Variants in SLC38A3 observed in about 807,000 individuals in gnomAD.
The protein encoded by SLC38A3 is solute carrier family 38 member 3, also known as sodium-coupled neutral amino acid transporter 3.
A neutral mutation model predicts 59.5 loss-of-function variants in SLC38A3; 17 were observed. That is an observed-to-expected ratio of 0.29 (90% CI 0.20 to 0.43). SLC38A3 has a LOEUF of 0.43. Ranked by LOEUF, SLC38A3 falls within the 20% of genes least tolerant of loss-of-function variation. The probability of loss-of-function intolerance (pLI) is 1.00; values close to 1 mark genes in which losing one functional copy is unlikely to be tolerated. For synonymous variants in SLC38A3, 238 were observed against 260.3 expected (o/e 0.91, Z 0.82); for missense variants, 454 against 653.9 (o/e 0.69, Z 3.33).
Position 50,218,705 on chromosome 3 carries a change from C to A in SLC38A3, c.1149C>A (p.Ile383=). Residue 383 remains isoleucine (I), a synonymous_variant, in exon 13 of 16, where the codon ATC becomes ATA. Coordinates refer to ENST00000614032, the MANE Select transcript of SLC38A3 (RefSeq NM_006841.6). This position sits in a 1 kb window ranked among gnomAD's most constrained non-coding sequence, Gnocchi z 5.8. ...VLTAVTLTVP[I]VLFPVRRAIQ... ...CAGCAGTCACGCTCACAGTGCCCATCGTTCTGTTCCCGGTGAGCTGGTGGG... is the reference window on the plus strand; with the variant it reads ...CAGCAGTCACGCTCACAGTGCCCATAGTTCTGTTCCCGGTGAGCTGGTGGG... 6.2e-7 allele frequency: 1 copy of A among 1,609,406 alleles called. No individual in the cohort carries two copies. Among genetic ancestry groups the A allele is most frequent in the Non-Finnish European group, 8.5e-7 (1 of 1,176,040 alleles).
At chr3:50,212,452 A>G (rs1052034517) in intron 1 of SLC38A3, among the ~76,000 whole-genome samples, 3 of 152,202 alleles carry the variant, frequency 2.0e-5, no homozygotes, top group Non-Finnish European at 4.4e-5. Flanking sequence ...GGACATGTGG[A>G]CCTAGGCAAC....
Position 50,214,636 on chromosome 3 carries a change from C to T in SLC38A3, c.184-17C>T, listed in dbSNP as rs1161735247. ...CTGACTCCTCCCACCCTCCCCGTCC[C>T]ATTCTGGTGCCTGCAGTTCGAGGGG... On this transcript the variant is annotated splice_polypyrimidine_tract_variant and intron_variant, in intron 3 of 15. Transcript: ENST00000614032. The surrounding 1 kb of genome is among the most constrained non-coding windows in gnomAD (Gnocchi z 6.0). The T allele has an allele frequency of 6.3e-7, 1 of 1,578,078 alleles. No individual in the cohort carries two copies. Among genetic ancestry groups the T allele is most frequent in the Non-Finnish European group, 8.7e-7 (1 of 1,151,318 alleles).
At chr3:50,209,371 G>C (rs540402830) in intron 1 of SLC38A3, among the ~76,000 whole-genome samples, 1 of 152,200 alleles carries the variant, frequency 6.6e-6, no homozygotes, top group Non-Finnish European at 1.5e-5. Flanking sequence ...GGCCATGGCC[G>C]GGCGCAGTGG....
At chr3:50,219,728 A>G (rs1215413602) in intron 14 of SLC38A3, among the ~76,000 whole-genome samples, 153 bp from the exon 15 acceptor site, 1 of 152,136 alleles carries the variant, frequency 6.6e-6, no homozygotes, top group Non-Finnish European at 1.5e-5. Context: ...CAAGGGGGAG[A>G]GGCTGGTGGG....
In SLC38A3 at chr3:50,218,290, A is replaced by T; in HGVS notation, c.956A>T (p.Gln319Leu). ...ELKDPSKKKMQHISNLSIAVM... is the reference protein window; with the variant it reads ...ELKDPSKKKMLHISNLSIAVM... Reference sequence around the variant, plus strand: ...CACAGCCCCTCCAAGAAGAAGATGCAGCACATCTCCAACCTGTCCATCGCT... The same window carrying T: ...CACAGCCCCTCCAAGAAGAAGATGCTGCACATCTCCAACCTGTCCATCGCT... The change falls in exon 12 of 16, where the codon CAG (glutamine) becomes CTG (leucine). Residue 319 changes from glutamine (Q) to leucine (L), a missense_variant. Physicochemically the swap from Gln to Leu is moderately radical, Grantham distance 113 (BLOSUM62 -2). Coordinates refer to ENST00000614032, the MANE Select transcript of SLC38A3 (RefSeq NM_006841.6). This position sits in a 1 kb window ranked among gnomAD's most constrained non-coding sequence, Gnocchi z 5.8. 6.2e-7 allele frequency: 1 copy of T among 1,607,354 alleles called. No homozygotes were observed. Among genetic ancestry groups the T allele is most frequent in the African/African-American group, 1.3e-5 (1 of 74,888 alleles).
chr3:50,215,673 G>A lies in SLC38A3; in HGVS notation c.466+37G>A, dbSNP rs778484043. ...GGGCAGGGGCAGGCAGTAGGGAGGT[G>A]GACAGCCCTGAAAGCTGGCTGGTTG... On this transcript the variant is annotated intron_variant, in intron 6 of 15. Coordinates refer to ENST00000614032, the MANE Select transcript of SLC38A3 (RefSeq NM_006841.6). This position sits in a 1 kb window ranked among gnomAD's most constrained non-coding sequence, Gnocchi z 7.1. 2 of 1,610,560 alleles carry A rather than the reference G, an allele frequency of 1.2e-6. No homozygotes were observed. The highest frequency in any genetic ancestry group is 1.7e-5 in the Admixed American group (1 of 59,932).
Position 50,218,398 on chromosome 3 carries a change from T to C in SLC38A3, c.1036+28T>C. ...ACGGTGGCACCGGTGGGCAGAGGCC[T>C]AGGCTAGGCTGGGGGGAAGGGGCTG... On this transcript the variant is annotated intron_variant, in intron 12 of 15. Transcript: ENST00000614032. The surrounding 1 kb of genome is among the most constrained non-coding windows in gnomAD (Gnocchi z 5.8). 6.4e-7 allele frequency: 1 copy of C among 1,564,602 alleles called. No homozygotes were observed. Among genetic ancestry groups the C allele is most frequent in the Non-Finnish European group, 8.8e-7 (1 of 1,135,004 alleles).
chr3:50,214,801 G>A lies in SLC38A3; in HGVS notation c.299+33G>A. 1 of 1,421,726 alleles carries A rather than the reference G, an allele frequency of 7.0e-7. No individual in the cohort carries two copies. The highest frequency in any genetic ancestry group is 9.8e-7 in the Non-Finnish European group (1 of 1,024,042). The allele number at this position is 1,421,726 out of a possible 1,614,324, so 88.1% of individuals were successfully genotyped here. A position where few individuals can be genotyped will look rare whatever the true frequency, so the allele number is the denominator to read the frequency against. On this transcript the variant is annotated intron_variant, in intron 4 of 15. Transcript: ENST00000614032. This position sits in a 1 kb window ranked among gnomAD's most constrained non-coding sequence, Gnocchi z 6.0. ...CCCTCAGAGAAACTTCTAAAGATAG[G>A]GGCCCTAAGCAAGCCACCAATCATG...
At position 50,218,181 on chromosome 3, in the gene SLC38A3, G is replaced by A. The variant is rs1699847878; in HGVS notation, c.936-89G>A. On this transcript the variant is annotated intron_variant, in intron 11 of 15. Coordinates refer to ENST00000614032, the MANE Select transcript of SLC38A3 (RefSeq NM_006841.6). The surrounding 1 kb of genome is among the most constrained non-coding windows in gnomAD (Gnocchi z 5.8). ...CTCCCTCAGATGCTGAATGGTGAAA[G>A]TATGGTGCCAGAGAGAGCTTGGGGC... 2.7e-6 allele frequency: 3 copies of A among 1,120,246 alleles called. No individual in the cohort carries two copies. The South Asian group carries it at 3.9e-5, about 14-fold the overall frequency. 69.4% of individuals were successfully genotyped at this position (1,120,246 alleles called of 1,614,324 possible).
intron 14 of SLC38A3, 147 bp downstream of exon 14, chr3:50,219,095 A>T: frequency 1.9e-6 from 2 of 1,027,370 alleles, no homozygotes; most frequent in East Asian, 2.6e-5. Flanking sequence ...TTTTGTCCAT[A>T]GGCTATTCTA....
At chr3:50,206,120 G>A (rs1392350889) in intron 1 of SLC38A3, among the ~76,000 whole-genome samples, 4 of 152,256 alleles carry the variant, frequency 2.6e-5, no homozygotes, top group East Asian at 1.9e-4. Flanking sequence ...GCCCCCGCCC[G>A]GTTGGCCCCT....
chr3:50,212,035 T>C (rs1559753409), intron 1 of SLC38A3, among the ~76,000 whole-genome samples: 1 of 152,196 alleles, frequency 6.6e-6, no homozygotes, highest in South Asian at 2.1e-4. Context: ...AAATCCTTTC[T>C]GGGATCTCAG....
intron 1 of SLC38A3, among the ~76,000 whole-genome samples, chr3:50,210,369 G>A (rs80284274): frequency 6.2e-4 from 95 of 152,274 alleles, no homozygotes; most frequent in African/African-American, 1.9e-3. Flanking sequence ...AGATCTTGGC[G>A]GAGGTCAGGT....
At chr3:50,220,008 G>A in intron 15 of SLC38A3, 24 bp downstream of exon 15, 1 of 1,604,564 alleles carries the variant, frequency 6.2e-7, no homozygotes, top group Non-Finnish European at 8.5e-7. Flanking sequence ...GGAGGCCGGT[G>A]GGCTGGTATG....
rs1699786979 is a variant in SLC38A3, at chr3:50,214,461, G to C, written c.161G>C (p.Ser54Thr). 1.3e-6 allele frequency: 2 copies of C among 1,570,834 alleles called. No individual in the cohort carries two copies. Among genetic ancestry groups the C allele is most frequent in the Admixed American group, 1.9e-5 (1 of 52,992 alleles). Residue 54 changes from serine (S) to threonine (T), a missense_variant, in exon 3 of 16, where the codon AGC becomes ACC. By Grantham distance (58) the Ser-to-Thr change is moderately conservative. Around this residue, in one of 3 missense-constraint regions of SLC38A3, gnomAD observed 390 missense variants for 557.9 expected, o/e 0.70. Transcript: ENST00000614032. This position sits in a 1 kb window ranked among gnomAD's most constrained non-coding sequence, Gnocchi z 6.0. The stretch of plus-strand genomic sequence containing the variant: ...AAGAGCTTCCTACAGAAAAGTCCCA[G>C]CAAGGAGCCACACTTCACTGACGTG... ...EGKSFLQKSP[S>T]KEPHFTDFEG...
At chr3:50,216,638 G>A (rs1249724423) in intron 7 of SLC38A3, among the ~76,000 whole-genome samples, 1 of 152,228 alleles carries the variant, frequency 6.6e-6, no homozygotes, top group Admixed American at 6.5e-5. Context: ...CCAGACCTGT[G>A]TATCCTGAGA....
Position 50,217,223 on chromosome 3 carries a change from C to A in SLC38A3, c.549-15C>A, listed in dbSNP as rs1417527505. 10 of 1,599,010 alleles carry A rather than the reference C, an allele frequency of 6.3e-6. No homozygotes were observed. Among genetic ancestry groups the A allele is most frequent in the Non-Finnish European group, 7.7e-6 (9 of 1,169,212 alleles). ...AATGGATTCTGACCCTGGCTCCCGA[C>A]TCATGTCCCTGCAGGGACTGGTACA... is the stretch of plus-strand genomic sequence containing the variant. On this transcript the variant is annotated splice_polypyrimidine_tract_variant and intron_variant, in intron 7 of 15. Coordinates refer to ENST00000614032, the MANE Select transcript of SLC38A3 (RefSeq NM_006841.6). This position sits in a 1 kb window ranked among gnomAD's most constrained non-coding sequence, Gnocchi z 4.9.
rs76644847 is a variant in SLC38A3, at chr3:50,215,214, G to T, written c.300-172G>T. On this transcript the variant is annotated intron_variant, in intron 4 of 15. Transcript: ENST00000614032. This position sits in a 1 kb window ranked among gnomAD's most constrained non-coding sequence, Gnocchi z 7.1. ...TGTGTCGCACCCTGGATCAAAGGGG[G>T]TGGTGTTCATCACCCCTGGGGCCTG... is the stretch of plus-strand genomic sequence containing the variant. The T allele has an allele frequency of 0.012, 7,301 of 625,252 alleles. 50 individuals are homozygous for T. The highest frequency in any genetic ancestry group is 0.017 in the Admixed American group (615 of 36,378). The allele number at this position is 625,252 out of a possible 1,614,324, so 38.7% of individuals were successfully genotyped here.
At chr3:50,209,898 C>G (rs768510965) in intron 1 of SLC38A3, among the ~76,000 whole-genome samples, 1 of 152,274 alleles carries the variant, frequency 6.6e-6, no homozygotes, top group East Asian at 1.9e-4. Flanking sequence ...AGTATTAGCC[C>G]AGTGTTGGCC....
Sources: gnomAD v4.1 joint callset for allele counts (sites outside exome capture counted in the v4.1 genomes callset) on GRCh38, gnomAD v4.1.1 for gene constraint, gnomAD v4.1.1 regional missense constraint, Gnocchi (gnomAD v3.1) non-coding constraint, MANE v1.5 for transcripts, NCBI Gene and HGNC (gene_info 2026-07-23, HGNC 2026-07-21) for gene names.